GSG1L: variants seen among roughly 807,000 people sequenced by gnomAD.
GSG1L encodes GSG1 like, also known as germ cell-specific gene 1-like protein.
GSG1L carries 24 observed loss-of-function variants against 42.1 expected under a neutral mutation model. That is an observed-to-expected ratio of 0.57 (90% CI 0.41 to 0.80). GSG1L has a LOEUF of 0.80. Ranked by LOEUF, GSG1L falls within the 30% of genes least tolerant of loss-of-function variation. The pLI is 0.00. For missense variants in GSG1L, 445 were observed against 472.2 expected (o/e 0.94, Z 0.53); for synonymous variants, 215 against 203.5 (o/e 1.06, Z -0.48).
At chr16:28,048,521 C>T (rs1371654875) in intron 1 of GSG1L, among the ~76,000 whole-genome samples, 6 of 152,130 alleles carry the variant, frequency 3.9e-5, no homozygotes, top group African/African-American at 1.4e-4. Context: ...CTCAGCCTCC[C>T]AAAGTGCTGG....
chr16:27,810,940 G>T (rs537567718), intron 5 of GSG1L, among the ~76,000 whole-genome samples: 3 of 152,108 alleles, frequency 2.0e-5, no homozygotes, highest in African/African-American at 7.2e-5. Context: ...CACCCACCTT[G>T]GCCTCCCAAA....
chr16:27,823,735 T>G, intron 5 of GSG1L: 1 of 646,096 alleles, frequency 1.5e-6, no homozygotes. Context: ...TGGGACTCCC[T>G]TTACTCTCAT....
At chr16:27,924,999 G>A (rs1055298110) in intron 2 of GSG1L, among the ~76,000 whole-genome samples, 2 of 152,170 alleles carry the variant, frequency 1.3e-5, no homozygotes, top group African/African-American at 4.8e-5. Flanking sequence ...ATAGCCATGT[G>A]GATTTAGACC....
chr16:28,009,186 C>A (rs2141153972), intron 1 of GSG1L, among the ~76,000 whole-genome samples: 1 of 152,306 alleles, frequency 6.6e-6, no homozygotes, highest in East Asian at 1.9e-4. Context: ...CCTGCTCTTT[C>A]CCCGACCTTC....
intron 1 of GSG1L, among the ~76,000 whole-genome samples, chr16:28,031,729 G>A (rs1413883150): frequency 1.3e-5 from 2 of 152,128 alleles, no homozygotes; most frequent in African/African-American, 2.4e-5. Context: ...CCCAGCACAC[G>A]GATAACCCTC....
intron 2 of GSG1L, among the ~76,000 whole-genome samples, chr16:27,947,540 GGAAA>G (rs773407925): frequency 0.052 from 5,023 of 96,940 alleles, 145 homozygotes; most frequent in Non-Finnish European, 0.057. Flanking sequence ...AAAGAATGAA[GGAAA>G]GAAAGAAAGA....
chr16:28,038,250 A>G, intron 1 of GSG1L, among the ~76,000 whole-genome samples: 1 of 152,112 alleles, frequency 6.6e-6, no homozygotes, highest in Non-Finnish European at 1.5e-5. Flanking sequence ...AGCTGGAACC[A>G]CATGCATACA....
Position 27,791,123 on chromosome 16 carries a change from A to T in GSG1L, c.*247T>A. On this transcript the variant is annotated 3_prime_UTR_variant, in exon 7 of 7. Transcript: ENST00000447459. ...GCAGGGCTCATGTGATGATGGCAAG[A>T]GTCCGGGGCTGCTGTCCCAAAGTCA... 2.8e-6 allele frequency: 1 copy of T among 359,514 alleles called. No homozygotes were observed. Among genetic ancestry groups the T allele is most frequent in the Non-Finnish European group, 5.0e-6 (1 of 201,298 alleles). The allele number at this position is 359,514 out of a possible 1,614,324, so 22.3% of individuals were successfully genotyped here.
At chr16:27,888,081 A>T in intron 2 of GSG1L, 1 of 985,154 alleles carries the variant, frequency 1.0e-6, no homozygotes, top group Non-Finnish European at 1.2e-6. Context: ...TGATGCTCCT[A>T]TCGCTGGGTT....
chr16:27,958,657 G>A (rs12920707), intron 2 of GSG1L, among the ~76,000 whole-genome samples: 116,950 of 151,996 alleles, frequency 0.77, 45,379 homozygotes, highest in South Asian at 0.89. Flanking sequence ...TGTAATTTAC[G>A]CACTTGGGGC....
chr16:27,801,771 G>A (rs1352733314), intron 6 of GSG1L, among the ~76,000 whole-genome samples: 1 of 152,144 alleles, frequency 6.6e-6, no homozygotes, highest in African/African-American at 2.4e-5. Context: ...AGACCGGCCG[G>A]GTTCAAATCC....
rs1324149928 is a variant in GSG1L at position 27,920,064 on chromosome 16, C to T, written c.398-35426G>A. On this transcript the variant is annotated intron_variant, in intron 2 of 6. Transcript: ENST00000447459. ...TCGGTCAGAATGTCCTCCTTTGAGG[C>T]ATACCTTCCATGAACCCATTGTACA... Among the ~76,000 whole-genome samples, 5 of 152,318 alleles carry T rather than the reference C, an allele frequency of 3.3e-5. No individual in the cohort carries two copies. The East Asian group carries it at 9.6e-4, about 29-fold the overall frequency.
Position 27,825,386 on chromosome 16 carries a change from T to C in GSG1L, c.830+3403A>G, listed in dbSNP as rs146956509. ...ATCAGGTGCTATGAAAAAATAGAAA[T>C]GGTGCCAGGCATACTGGCTCATGCC... On this transcript the variant is annotated intron_variant, in intron 5 of 6. Transcript: ENST00000447459. Among the ~76,000 whole-genome samples the C allele has an allele frequency of 5.9e-3, 898 of 152,140 alleles. 9 individuals carry two copies. Among genetic ancestry groups the C allele is most frequent in the African/African-American group, 0.021 (862 of 41,514 alleles).
At chr16:28,029,417 G>A (rs965810288) in intron 1 of GSG1L, among the ~76,000 whole-genome samples, 9 of 152,176 alleles carry the variant, frequency 5.9e-5, no homozygotes, top group Non-Finnish European at 1.0e-4. Flanking sequence ...TCCAGGGCAG[G>A]GATCTTCTAG....
intron 2 of GSG1L, among the ~76,000 whole-genome samples, chr16:27,947,849 C>G (rs1279959021): frequency 6.6e-6 from 1 of 152,264 alleles, no homozygotes; most frequent in East Asian, 1.9e-4. Flanking sequence ...GCAAGTGGGA[C>G]CGGCTCTCGG....
chr16:27,858,572 T>C (rs532770871), intron 3 of GSG1L, among the ~76,000 whole-genome samples: 1 of 152,242 alleles, frequency 6.6e-6, no homozygotes. Context: ...GTTTAGGAAA[T>C]AAAGGAGTAT....
At chr16:27,823,283 G>A (rs1487782437) in intron 5 of GSG1L, among the ~76,000 whole-genome samples, 1 of 152,236 alleles carries the variant, frequency 6.6e-6, no homozygotes, top group Non-Finnish European at 1.5e-5. Flanking sequence ...CCCAACACAT[G>A]TGCATACTGG....
intron 1 of GSG1L, among the ~76,000 whole-genome samples, chr16:28,002,412 G>A (rs1261385160): frequency 6.6e-6 from 1 of 152,144 alleles, no homozygotes; most frequent in Admixed American, 6.5e-5. Flanking sequence ...CTTGAGCCCA[G>A]GAGTTCAAGA....
At chr16:27,812,906 A>C (rs1255987934) in intron 5 of GSG1L, among the ~76,000 whole-genome samples, 2 of 151,794 alleles carry the variant, frequency 1.3e-5, no homozygotes, top group African/African-American at 4.8e-5. Context: ...CGGCCTCCCT[A>C]GTAGCTGGGA....
Sources: gnomAD v4.1 joint callset for allele counts (sites outside exome capture counted in the v4.1 genomes callset) on GRCh38, gnomAD v4.1.1 for gene constraint, MANE v1.5 for transcripts, NCBI Gene and HGNC (gene_info 2026-07-23, HGNC 2026-07-21) for gene names.